The following CEMIP variants were observed in gnomAD, a reference collection of about 807,000 sequenced individuals.
CEMIP encodes cell migration inducing hyaluronidase 1.
A neutral mutation model predicts 156.9 loss-of-function variants in CEMIP; 105 were observed. The ratio of observed to expected loss-of-function variants is 0.67; its 90% CI spans 0.57 to 0.79. The LOEUF (loss-of-function observed/expected upper bound fraction) is 0.79, where lower values mean the gene tolerates loss of function less well. Ranked by LOEUF, CEMIP falls within the 30% of genes least tolerant of loss-of-function variation. The pLI, the probability that CEMIP is intolerant of heterozygous loss-of-function variation, is 0.00. For missense variants in CEMIP, 1,457 were observed against 1,769.4 expected, an observed-to-expected ratio of 0.82 and a Z score of 3.17; for synonymous variants, 676 against 668.4, an observed-to-expected ratio of 1.01 and a Z score of -0.17.
chr15:80,838,686 T>C (rs1897319313), intron 1 of CEMIP, among the ~76,000 whole-genome samples: 1 of 152,164 alleles, frequency 6.6e-6, no homozygotes. Context: ...CCAAGACCTA[T>C]CCCAATGCCC....
chr15:80,852,862 A>G (rs867193392), intron 1 of CEMIP, among the ~76,000 whole-genome samples: 7 of 152,128 alleles, frequency 4.6e-5, no homozygotes, highest in South Asian at 2.1e-4. Flanking sequence ...ACATGGATTG[A>G]ATGGTAAATA....
chr15:80,841,485 T>A (rs1310406319), intron 1 of CEMIP, among the ~76,000 whole-genome samples: 1 of 152,226 alleles, frequency 6.6e-6, no homozygotes, highest in African/African-American at 2.4e-5. Context: ...TCCCGTCCAC[T>A]CTGTTGGTAC....
At chr15:80,869,352 T>C (rs767696157) in intron 1 of CEMIP, among the ~76,000 whole-genome samples, 1 of 152,162 alleles carries the variant, frequency 6.6e-6, no homozygotes. Context: ...AACCATTAAG[T>C]GACATATAAG....
intron 1 of CEMIP, among the ~76,000 whole-genome samples, chr15:80,804,656 C>A (rs1415105374): frequency 6.6e-6 from 1 of 152,186 alleles, no homozygotes; most frequent in Non-Finnish European, 1.5e-5. Context: ...GCTGAAAGCA[C>A]GTGCGTCTTT....
intron 1 of CEMIP, among the ~76,000 whole-genome samples, chr15:80,859,291 C>T (rs117210658): frequency 0.02 from 3,055 of 152,316 alleles, 44 homozygotes; most frequent in Admixed American, 0.027. Flanking sequence ...GGAGATGAAA[C>T]TCACAAACAT....
intron 14 of CEMIP, among the ~76,000 whole-genome samples, chr15:80,917,357 GCTGAGCATC>G (rs1900312940): frequency 6.6e-6 from 1 of 152,142 alleles, no homozygotes; most frequent in Non-Finnish European, 1.5e-5. Context: ...GAATGAGGTT[GCTGAGCATC>G]CTGGGACACT....
intron 19 of CEMIP, among the ~76,000 whole-genome samples, chr15:80,928,062 G>C (rs1900760824): frequency 6.6e-6 from 1 of 152,200 alleles, no homozygotes; most frequent in African/African-American, 2.4e-5. Context: ...TAAAGCCACG[G>C]AAGTTTTAGG....
intron 1 of CEMIP, among the ~76,000 whole-genome samples, chr15:80,818,165 T>C (rs568039020): frequency 1.3e-5 from 2 of 152,332 alleles, no homozygotes; most frequent in Non-Finnish European, 2.9e-5. Context: ...CTCATGTTCA[T>C]GTCCAATGTG....
At chr15:80,844,286 C>T (rs1337763116) in intron 1 of CEMIP, among the ~76,000 whole-genome samples, 1 of 152,240 alleles carries the variant, frequency 6.6e-6, no homozygotes, top group African/African-American at 2.4e-5. Flanking sequence ...GGCCTCTCTG[C>T]CTGCGCCCCC....
intron 23 of CEMIP, among the ~76,000 whole-genome samples, chr15:80,935,862 C>T (rs1320740180): frequency 6.6e-6 from 1 of 152,166 alleles, no homozygotes; most frequent in African/African-American, 2.4e-5. Context: ...CCTCAGCCTC[C>T]CTAGTAGCTG....
rs11853522 is a variant in CEMIP, at chr15:80,806,375, C to T, written c.-176+26761C>T. On this transcript the variant is annotated intron_variant, in intron 1 of 29. Transcript: ENST00000394685. ...TATGACAGAGCCCTTGAGACTATGT[C>T]CATAGGAGTCTTTGGACCCCAGTTC... Among the ~76,000 whole-genome samples the T allele has an allele frequency of 7.2e-3, 1,091 of 152,248 alleles. 13 individuals are homozygous for T. The highest frequency in any genetic ancestry group is 0.025 in the African/African-American group (1,032 of 41,538).
intron 1 of CEMIP, among the ~76,000 whole-genome samples, chr15:80,797,554 C>T (rs1896261436): frequency 2.0e-5 from 3 of 152,186 alleles, no homozygotes; most frequent in Admixed American, 6.5e-5. Flanking sequence ...TCCACACTTT[C>T]GATGTTAGTT....
chr15:80,850,579 A>G (rs1478541714), intron 1 of CEMIP, among the ~76,000 whole-genome samples: 1 of 152,148 alleles, frequency 6.6e-6, no homozygotes, highest in East Asian at 1.9e-4. Flanking sequence ...CCCAGCCATC[A>G]TCTTCTTGTT....
chr15:80,839,706 C>A (rs949635430), intron 1 of CEMIP, among the ~76,000 whole-genome samples: 1 of 152,184 alleles, frequency 6.6e-6, no homozygotes, highest in Non-Finnish European at 1.5e-5. Context: ...ATCTGCCCAC[C>A]TCCCTTGGAC....
chr15:80,851,830 C>G (rs1022246140), intron 1 of CEMIP, among the ~76,000 whole-genome samples: 1 of 152,068 alleles, frequency 6.6e-6, no homozygotes, highest in Non-Finnish European at 1.5e-5. Context: ...GGACCTCATA[C>G]AGCAACACGG....
intron 1 of CEMIP, among the ~76,000 whole-genome samples, chr15:80,815,890 T>C (rs1896778823): frequency 6.6e-6 from 1 of 152,128 alleles, no homozygotes; most frequent in Non-Finnish European, 1.5e-5. Context: ...GCTCGGTGGA[T>C]GGTGAGGTGC....
In CEMIP at chr15:80,932,074, C is replaced by G. The variant is rs1900939280; in HGVS notation, c.2793+35C>G. The G allele has an allele frequency of 1.9e-6, 3 of 1,607,372 alleles. No homozygotes were observed. Among genetic ancestry groups the G allele is most frequent in the African/African-American group, 2.7e-5 (2 of 75,024 alleles). ...GCGCCAGGGCAGACTCCCGGCAAAC[C>G]CAGACTTTGGATGGTGATTCACAAG... On this transcript the variant is annotated intron_variant, in intron 22 of 29. Coordinates refer to ENST00000394685, the MANE Select transcript of CEMIP (RefSeq NM_001293298.2). The surrounding 1 kb of genome is among the most constrained non-coding windows in gnomAD (Gnocchi z 4.5).
chr15:80,920,837 A>G (rs1333576036), intron 15 of CEMIP, among the ~76,000 whole-genome samples, 195 bp from the exon 16 acceptor site: 1 of 152,230 alleles, frequency 6.6e-6, no homozygotes, highest in African/African-American at 2.4e-5. Context: ...TAATTTCTGA[A>G]TATTTTAAGT....
chr15:80,895,226 A>C (rs1358533040), intron 11 of CEMIP, 104 bp downstream of exon 11: 1 of 1,484,422 alleles, frequency 6.7e-7, no homozygotes, highest in African/African-American at 1.4e-5. Flanking sequence ...CAGTGCTCCC[A>C]AAGGAGAGCA....
Sources: gnomAD v4.1 joint callset for allele counts (sites outside exome capture counted in the v4.1 genomes callset) on GRCh38, gnomAD v4.1.1 for gene constraint, Gnocchi (gnomAD v3.1) non-coding constraint, MANE v1.5 for transcripts, NCBI Gene and HGNC (gene_info 2026-07-23, HGNC 2026-07-21) for gene names.